Variants in PDE10A observed in about 807,000 individuals in gnomAD.
The protein encoded by PDE10A is cAMP and cAMP-inhibited cGMP 3',5'-cyclic phosphodiesterase 10A.
In PDE10A, 39 loss-of-function variants were observed where a neutral mutation model predicts 97.7. That is an observed-to-expected ratio of 0.40 (90% CI 0.31 to 0.52). PDE10A has a LOEUF of 0.52. Among genes scored for constraint, PDE10A ranks in the 20% least tolerant of loss-of-function variants. The probability of loss-of-function intolerance (pLI) is 0.56; values close to 1 mark genes in which losing one functional copy is unlikely to be tolerated. For synonymous variants in PDE10A, 371 were observed against 376.8 expected (o/e 0.98, Z 0.18); for missense variants, 731 against 1,047.8 (o/e 0.70, Z 4.17).
intron 1 of PDE10A, among the ~76,000 whole-genome samples, chr6:165,608,100 A>ATATATG (rs1562625175): frequency 2.8e-5 from 4 of 144,082 alleles, no homozygotes; most frequent in African/African-American, 1.1e-4. Context: ...ATGTGCATAT[A>ATATATG]TATACATGTA....
chr6:165,760,069 A>G (rs1456296945), intron 1 of PDE10A, among the ~76,000 whole-genome samples: 4 of 152,202 alleles, frequency 2.6e-5, no homozygotes, highest in Non-Finnish European at 5.9e-5. Flanking sequence ...TCTACAAGAA[A>G]ATGGATAGAA....
At chr6:165,794,396 C>T (rs1423975800) in intron 1 of PDE10A, among the ~76,000 whole-genome samples, 1 of 151,546 alleles carries the variant, frequency 6.6e-6, no homozygotes, top group Non-Finnish European at 1.5e-5. Flanking sequence ...CTCACACATG[C>T]TCACACTCAT....
intron 1 of PDE10A, among the ~76,000 whole-genome samples, chr6:165,684,631 C>T (rs1791066603): frequency 6.6e-6 from 1 of 152,252 alleles, no homozygotes; most frequent in East Asian, 1.9e-4. Context: ...GCTACTTGTA[C>T]TAGGTCTTCC....
intron 1 of PDE10A, among the ~76,000 whole-genome samples, chr6:165,945,052 G>T (rs780585441): frequency 6.6e-6 from 1 of 152,106 alleles, no homozygotes; most frequent in Non-Finnish European, 1.5e-5. Context: ...TGCACAGGGC[G>T]GTTGGTTTGT....
At chr6:165,749,235 C>T (rs1463052287) in intron 1 of PDE10A, among the ~76,000 whole-genome samples, 54 of 2,734 alleles carry the variant, frequency 0.02, no homozygotes, top group East Asian at 0.045. Context: ...TCACCATCAC[C>T]ACCATCACAT....
chr6:165,843,456 T>G (rs570475207), intron 1 of PDE10A, among the ~76,000 whole-genome samples: 1 of 152,204 alleles, frequency 6.6e-6, no homozygotes, highest in East Asian at 1.9e-4. Flanking sequence ...ACAACAGAAA[T>G]GTATTGCTGA....
At chr6:165,933,214 C>T (rs1783197880) in intron 1 of PDE10A, among the ~76,000 whole-genome samples, 1 of 152,092 alleles carries the variant, frequency 6.6e-6, no homozygotes, top group South Asian at 2.1e-4. Flanking sequence ...CCGAAACAGT[C>T]CCTATGTTGT....
chr6:165,438,477 T>C (rs923874097), intron 5 of PDE10A, among the ~76,000 whole-genome samples: 7 of 152,224 alleles, frequency 4.6e-5, no homozygotes, highest in African/African-American at 1.2e-4. Flanking sequence ...CGTGAGCCAC[T>C]GTGCCTGGCC....
upstream of PDE10A, among the ~76,000 whole-genome samples, chr6:165,664,125 C>G (rs59551525): frequency 2.6e-5 from 4 of 152,052 alleles, no homozygotes; most frequent in Admixed American, 1.3e-4. Context: ...GTGGAGCACA[C>G]GCGCCAAAGC....
intron 1 of PDE10A, among the ~76,000 whole-genome samples, chr6:165,979,422 T>A (rs959340885): frequency 6.6e-6 from 1 of 152,256 alleles, no homozygotes; most frequent in Admixed American, 6.5e-5. Flanking sequence ...TGTGCTGCTG[T>A]GGCATGTTTA....
chr6:165,349,849 G>A (rs910534995), intron 18 of PDE10A, among the ~76,000 whole-genome samples: 1 of 152,204 alleles, frequency 6.6e-6, no homozygotes, highest in Non-Finnish European at 1.5e-5. Context: ...CCAAGCCTTG[G>A]TGGCTTACAT....
At chr6:165,710,092 C>A (rs370739467) in intron 1 of PDE10A, among the ~76,000 whole-genome samples, 4 of 152,044 alleles carry the variant, frequency 2.6e-5, no homozygotes, top group Admixed American at 2.0e-4. Flanking sequence ...CTCCACTGGA[C>A]GCTCACTCGA....
intron 3 of PDE10A, among the ~76,000 whole-genome samples, chr6:165,471,319 CCA>C (rs1461958950): frequency 6.6e-6 from 1 of 152,136 alleles, no homozygotes; most frequent in Non-Finnish European, 1.5e-5. Flanking sequence ...CAGGGTTGAG[CCA>C]CACTCACCTG....
At chr6:165,464,736 T>C (rs1778534886) in intron 3 of PDE10A, among the ~76,000 whole-genome samples, 1 of 152,216 alleles carries the variant, frequency 6.6e-6, no homozygotes, top group Non-Finnish European at 1.5e-5. Context: ...TTTGGAATTA[T>C]TTGTAAATGG....
At position 165,961,352 on chromosome 6, in the gene PDE10A, A is replaced by G. The variant is rs578196076; in HGVS notation, c.-615+26177T>C. Among the ~76,000 whole-genome samples, 5 of 152,294 alleles carry G rather than the reference A, an allele frequency of 3.3e-5. No individual in the cohort carries two copies. In the East Asian group the frequency reaches 9.7e-4, roughly 29 times the overall value. ...ACCTTTCTTCTCTATAGAGTGGGAT[A>G]ATGCTTCCTACAGTCCTGTCCTACT... On this transcript the variant is annotated intron_variant, in intron 1 of 19. Coordinates refer to the PDE10A transcript ENST00000366882.
chr6:165,982,947 G>GA (rs755387487), intron 1 of PDE10A, among the ~76,000 whole-genome samples: 3 of 152,088 alleles, frequency 2.0e-5, no homozygotes, highest in Non-Finnish European at 2.9e-5. Context: ...AGTTACAAAG[G>GA]AAAAATGTTT....
At chr6:165,506,168 T>C (rs936157705) in intron 2 of PDE10A, among the ~76,000 whole-genome samples, 9 of 152,162 alleles carry the variant, frequency 5.9e-5, no homozygotes, top group African/African-American at 1.9e-4. Context: ...TATAATGTTA[T>C]ATTGCAGATT....
intron 1 of PDE10A, among the ~76,000 whole-genome samples, chr6:165,618,541 G>A (rs1465189883): frequency 1.3e-5 from 2 of 152,156 alleles, no homozygotes; most frequent in Non-Finnish European, 2.9e-5. Context: ...GGAAACAATG[G>A]TCACCATCCA....
intron 1 of PDE10A, among the ~76,000 whole-genome samples, chr6:165,742,312 C>T (rs1032285518): frequency 6.6e-6 from 1 of 152,190 alleles, no homozygotes; most frequent in Non-Finnish European, 1.5e-5. Context: ...ATCAAGTGCT[C>T]TCGCTGTTTC....
Sources: gnomAD v4.1 joint callset for allele counts (sites outside exome capture counted in the v4.1 genomes callset) on GRCh38, gnomAD v4.1.1 for gene constraint, MANE v1.5 for transcripts, NCBI Gene and HGNC (gene_info 2026-07-23, HGNC 2026-07-21) for gene names.